ZMAT5: variants seen among roughly 807,000 people sequenced by gnomAD.
The protein encoded by ZMAT5 is zinc finger matrin-type 5.
In ZMAT5, 23 loss-of-function variants were observed where a neutral mutation model predicts 28.0. The ratio of observed to expected loss-of-function variants is 0.82; its 90% CI spans 0.59 to 1.16. The LOEUF (loss-of-function observed/expected upper bound fraction) is 1.16. Ranked by LOEUF, ZMAT5 falls within the 50% of genes most tolerant of loss-of-function variation. The pLI is 0.00. For synonymous variants in ZMAT5, 76 were observed against 84.1 expected, an observed-to-expected ratio of 0.90 and a Z score of 0.52; for missense variants, 173 against 212.7, an observed-to-expected ratio of 0.81 and a Z score of 1.16.
At chr22:29,738,297 G>A in intron 5 of ZMAT5, 33 bp downstream of exon 5, 1 of 1,586,676 alleles carries the variant, frequency 6.3e-7, no homozygotes, top group Non-Finnish European at 8.6e-7. Context: ...GCCCCCAGGG[G>A]GCACAGCGGG....
Position 29,731,051 on chromosome 22 carries a change from G to T in ZMAT5, c.*174C>A. On this transcript the variant is annotated 3_prime_UTR_variant, in exon 6 of 6. Coordinates refer to ENST00000344318, the MANE Select transcript of ZMAT5 (RefSeq NM_001003692.2). ...GGTGGAGGAGAGTGAGGGGAGAGCT[G>T]CCCGGTGCAGACCCAGGACGAGGGC... The T allele has an allele frequency of 1.7e-6, 1 of 573,758 alleles. No individual in the cohort carries two copies. Among genetic ancestry groups the T allele is most frequent in the Non-Finnish European group, 2.8e-6 (1 of 354,966 alleles). The allele number at this position is 573,758 out of a possible 1,614,324, so 35.5% of individuals were successfully genotyped here.
chr22:29,750,979 CA>C (rs2068050833), intron 1 of ZMAT5, among the ~76,000 whole-genome samples: 1 of 152,206 alleles, frequency 6.6e-6, no homozygotes, highest in African/African-American at 2.4e-5. Context: ...CCCATTACTG[CA>C]GAGGGACCGT....
chr22:29,752,494 A>G (rs2068063723), intron 1 of ZMAT5, among the ~76,000 whole-genome samples: 1 of 151,886 alleles, frequency 6.6e-6, no homozygotes, highest in South Asian at 2.1e-4. Context: ...CCCATCATCT[A>G]GCACATGAGA....
chr22:29,739,981 G>C (rs767577103), intron 4 of ZMAT5, among the ~76,000 whole-genome samples: 13 of 152,230 alleles, frequency 8.5e-5, no homozygotes, highest in Non-Finnish European at 1.8e-4. Flanking sequence ...AAGCTTAAGG[G>C]GGCAGGCACT....
At chr22:29,742,623 A>T in intron 2 of ZMAT5, 143 bp from the exon 3 acceptor site, 1 of 760,868 alleles carries the variant, frequency 1.3e-6, no homozygotes, top group Non-Finnish European at 2.2e-6. Flanking sequence ...GGAGGAGTGG[A>T]AGCAGGAGAT....
intron 1 of ZMAT5, among the ~76,000 whole-genome samples, chr22:29,752,740 G>T (rs1381831601): frequency 6.6e-6 from 1 of 152,072 alleles, no homozygotes; most frequent in African/African-American, 2.4e-5. Flanking sequence ...TATTGGTCTC[G>T]CCATGTTGCC....
intron 3 of ZMAT5, among the ~76,000 whole-genome samples, chr22:29,741,085 C>A (rs1048854578): frequency 3.7e-4 from 56 of 152,186 alleles, no homozygotes; most frequent in African/African-American, 1.3e-3. Flanking sequence ...CCTGAAAGGG[C>A]AATGCTTCCT....
intron 1 of ZMAT5, among the ~76,000 whole-genome samples, chr22:29,754,124 C>T (rs576712252): frequency 6.6e-6 from 1 of 152,228 alleles, no homozygotes; most frequent in African/African-American, 2.4e-5. Context: ...AAGGGGACAG[C>T]TGGAGTGTCT....
At chr22:29,735,332 C>A (rs1185904590) in intron 5 of ZMAT5, among the ~76,000 whole-genome samples, 1 of 152,214 alleles carries the variant, frequency 6.6e-6, no homozygotes, top group Non-Finnish European at 1.5e-5. Flanking sequence ...TGGCCCCAAG[C>A]CCTCAGGAGG....
At chr22:29,742,503 G>T in intron 2 of ZMAT5, 23 bp from the exon 3 acceptor site, 4 of 1,610,732 alleles carry the variant, frequency 2.5e-6, no homozygotes, top group Non-Finnish European at 3.4e-6. Context: ...AGAGGGACGG[G>T]ATTCGGATGG....
intron 1 of ZMAT5, among the ~76,000 whole-genome samples, chr22:29,749,322 C>T (rs890996950): frequency 6.6e-6 from 1 of 152,102 alleles, no homozygotes; most frequent in African/African-American, 2.4e-5. Context: ...GTCCTCCCGC[C>T]TTGGCCCCCC....
At chr22:29,765,922 T>G (rs1224304528) in intron 1 of ZMAT5, among the ~76,000 whole-genome samples, 1 of 152,168 alleles carries the variant, frequency 6.6e-6, no homozygotes, top group Non-Finnish European at 1.5e-5. Context: ...ACTTCCCCCT[T>G]GCGGTCCACT....
Position 29,742,562 on chromosome 22 carries a change from GGACCCTTTATCTC to G in ZMAT5, c.128-95_128-83del, listed in dbSNP as rs1170832882. 2.2e-5 allele frequency: 28 copies of G among 1,264,452 alleles called. No individual in the cohort carries two copies. In the African/African-American group the frequency reaches 3.8e-4, roughly 17 times the overall value. The allele number at this position is 1,264,452 out of a possible 1,614,324, so 78.3% of individuals were successfully genotyped here. A position where few individuals can be genotyped will look rare whatever the true frequency, so the allele number is the denominator to read the frequency against. ...GGAAGTGGAAGCCACAGGGGCATATGGACCCTTTATCTCGACACAGCTGTGCAGAAAGAAGAGT... is the reference window on the plus strand; with the variant it reads ...GGAAGTGGAAGCCACAGGGGCATATGGACACAGCTGTGCAGAAAGAAGAGT... On this transcript the variant is annotated intron_variant, in intron 2 of 5. Transcript: ENST00000344318.
chr22:29,739,841 G>T (rs971734006), intron 4 of ZMAT5, among the ~76,000 whole-genome samples: 7 of 152,258 alleles, frequency 4.6e-5, no homozygotes, highest in African/African-American at 1.7e-4. Flanking sequence ...AGCACCACTG[G>T]CTCCCAGGGC....
At chr22:29,749,112 C>G (rs1420256205) in intron 1 of ZMAT5, among the ~76,000 whole-genome samples, 2 of 152,192 alleles carry the variant, frequency 1.3e-5, no homozygotes, top group African/African-American at 2.4e-5. Context: ...GAGTCTCGCT[C>G]TGTCACCCAG....
chr22:29,760,641 C>A (rs1381255307), intron 1 of ZMAT5, among the ~76,000 whole-genome samples: 2 of 152,120 alleles, frequency 1.3e-5, no homozygotes, highest in Non-Finnish European at 1.5e-5. Context: ...AAGTCTAATA[C>A]CCCTTAAGAA....
chr22:29,763,294 A>G (rs1213770265), intron 1 of ZMAT5, among the ~76,000 whole-genome samples: 1 of 112,402 alleles, frequency 8.9e-6, no homozygotes, highest in Non-Finnish European at 2.0e-5. Flanking sequence ...CTCTGCCTCA[A>G]TAAATAAATA....
chr22:29,740,256 A>G (rs2067948967), intron 4 of ZMAT5, among the ~76,000 whole-genome samples: 1 of 152,100 alleles, frequency 6.6e-6, no homozygotes, highest in Non-Finnish European at 1.5e-5. Context: ...GTGCGTTCCT[A>G]AACTCCTTAT....
intron 1 of ZMAT5, among the ~76,000 whole-genome samples, chr22:29,758,395 T>A (rs1393021077): frequency 2.6e-5 from 4 of 152,190 alleles, no homozygotes; most frequent in Non-Finnish European, 5.9e-5. Flanking sequence ...AAAGGAGGAT[T>A]GCTTAAGTCC....
Sources: gnomAD v4.1 joint callset for allele counts (sites outside exome capture counted in the v4.1 genomes callset) on GRCh38, gnomAD v4.1.1 for gene constraint, MANE v1.5 for transcripts, NCBI Gene and HGNC (gene_info 2026-07-23, HGNC 2026-07-21) for gene names.